The following XKR4 variants were observed in gnomAD, a reference collection of about 807,000 sequenced individuals.
The protein encoded by XKR4 is XK related 4, also known as XK-related protein 4.
XKR4 carries 12 observed loss-of-function variants against 53.9 expected under a neutral mutation model. The observed-to-expected ratio is 0.22, with a 90% CI of 0.14 to 0.36. The LOEUF is 0.36. Among genes scored for constraint, XKR4 ranks in the 10% least tolerant of loss-of-function variants. XKR4 has a pLI of 1.00. For synonymous variants in XKR4, 354 were observed against 362.4 expected (o/e 0.98, Z 0.26); for missense variants, 799 against 859.5 (o/e 0.93, Z 0.88).
At position 55,417,390 on chromosome 8, in the gene XKR4, A is replaced by T. The variant is rs375447797; in HGVS notation, c.1006+59513A>T. Among the ~76,000 whole-genome samples the T allele has an allele frequency of 2.7e-4, 41 of 152,338 alleles. 3 individuals carry two copies. In the South Asian group the frequency reaches 8.5e-3, roughly 32 times the overall value. On this transcript the variant is annotated intron_variant, in intron 2 of 2. Transcript: ENST00000327381. The stretch of plus-strand genomic sequence containing the variant: ...TAATTCGGTTCACACAAGTCTATTC[A>T]AAAGGGTACAGTCGAATCTGATGTT...
At chr8:55,417,987 C>T (rs1025367574) in intron 2 of XKR4, among the ~76,000 whole-genome samples, 6 of 152,100 alleles carry the variant, frequency 3.9e-5, no homozygotes, top group Admixed American at 6.5e-5. Context: ...AAAGAGACAG[C>T]GATTTGGGTG....
chr8:55,500,394 T>C (rs1160598139), intron 2 of XKR4, among the ~76,000 whole-genome samples: 1 of 152,148 alleles, frequency 6.6e-6, no homozygotes, highest in East Asian at 1.9e-4. Context: ...TCATCAAAGA[T>C]AGGTGAATGT....
intron 2 of XKR4, among the ~76,000 whole-genome samples, chr8:55,481,716 C>T (rs1026976673): frequency 1.4e-4 from 22 of 151,952 alleles, no homozygotes; most frequent in Middle Eastern, 3.2e-3. Flanking sequence ...ACAAACAACC[C>T]CATCAAAAAG....
intron 1 of XKR4, among the ~76,000 whole-genome samples, chr8:55,329,609 T>G (rs966159970): frequency 3.3e-5 from 5 of 152,226 alleles, no homozygotes; most frequent in African/African-American, 1.2e-4. Context: ...TTAGAGATTC[T>G]AAATACCTAG....
intron 1 of XKR4, among the ~76,000 whole-genome samples, chr8:55,177,300 G>C (rs1817248686): frequency 6.6e-6 from 1 of 152,090 alleles, no homozygotes; most frequent in Admixed American, 6.5e-5. Flanking sequence ...GCCTCCCAAA[G>C]TGCTGGGATT....
At chr8:55,141,570 TGG>T (rs1303259740) in intron 1 of XKR4, among the ~76,000 whole-genome samples, 3 of 151,820 alleles carry the variant, frequency 2.0e-5, no homozygotes, top group Non-Finnish European at 2.9e-5. Flanking sequence ...GACTTGGCAG[TGG>T]GGGTTGATTC....
intron 2 of XKR4, chr8:55,452,948 C>A (rs1197371917): frequency 1.3e-6 from 1 of 783,776 alleles, no homozygotes; most frequent in Non-Finnish European, 2.3e-6. Flanking sequence ...TCTGCATCAG[C>A]TCCTGCTGCT....
intron 2 of XKR4, among the ~76,000 whole-genome samples, chr8:55,419,839 G>A (rs1296070224): frequency 6.6e-6 from 1 of 152,184 alleles, no homozygotes; most frequent in Non-Finnish European, 1.5e-5. Context: ...GGGTAGAGTG[G>A]AGAAAATTTT....
intron 1 of XKR4, among the ~76,000 whole-genome samples, chr8:55,340,691 T>A (rs1250434420): frequency 6.6e-6 from 1 of 152,186 alleles, no homozygotes; most frequent in Non-Finnish European, 1.5e-5. Context: ...GCATCAAGAC[T>A]TTTCATTCCG....
chr8:55,225,517 C>T (rs971225295), intron 1 of XKR4, among the ~76,000 whole-genome samples: 38 of 152,184 alleles, frequency 2.5e-4, no homozygotes, highest in Non-Finnish European at 1.0e-4. Context: ...ACATTCCATG[C>T]CTGGAAATAT....
chr8:55,289,646 AAAGG>A (rs770482436), intron 1 of XKR4, among the ~76,000 whole-genome samples: 4,104 of 86,780 alleles, frequency 0.047, 175 homozygotes, highest in Non-Finnish European at 0.06. Context: ...AGAAAGAAAG[AAAGG>A]AAGGAAGGAA....
intron 2 of XKR4, among the ~76,000 whole-genome samples, chr8:55,364,631 T>TTTGTTA (rs746202286): frequency 8.6e-5 from 13 of 151,636 alleles, no homozygotes; most frequent in African/African-American, 3.2e-4. Context: ...TTTGTTTTGT[T>TTTGTTA]GGGGTTTTTT....
intron 2 of XKR4, among the ~76,000 whole-genome samples, chr8:55,411,342 A>G (rs1000638731): frequency 2.0e-5 from 3 of 152,198 alleles, no homozygotes; most frequent in Non-Finnish European, 4.4e-5. Flanking sequence ...TCATATTTGT[A>G]TAGTGTGTAG....
intron 1 of XKR4, among the ~76,000 whole-genome samples, chr8:55,308,271 T>C (rs1424917307): frequency 1.3e-5 from 2 of 151,590 alleles, no homozygotes; most frequent in African/African-American, 4.9e-5. Context: ...AAAATGAAAA[T>C]AAATAAATAA....
intron 2 of XKR4, chr8:55,450,547 G>A (rs1042254566): frequency 1.5e-6 from 1 of 681,142 alleles, no homozygotes; most frequent in East Asian, 3.1e-5. Flanking sequence ...AGAAACAGCG[G>A]GACACGTGGT....
intron 1 of XKR4, among the ~76,000 whole-genome samples, chr8:55,155,631 TAAGA>T (rs1178572284): frequency 6.8e-6 from 1 of 148,020 alleles, no homozygotes; most frequent in Non-Finnish European, 1.5e-5. Flanking sequence ...ATAAAGGCAT[TAAGA>T]GAGAGAGAGA....
At chr8:55,173,639 A>T (rs1459979620) in intron 1 of XKR4, among the ~76,000 whole-genome samples, 4 of 152,186 alleles carry the variant, frequency 2.6e-5, no homozygotes, top group African/African-American at 4.8e-5. Flanking sequence ...TGCCAGGCAC[A>T]TTGTGAAAAA....
intron 1 of XKR4, among the ~76,000 whole-genome samples, chr8:55,247,835 T>TTATCTTTCTTTCTTTCTTTCTTTC (rs1554572223): frequency 1.5e-5 from 1 of 65,088 alleles, no homozygotes; most frequent in African/African-American, 3.4e-5. Flanking sequence ...TAATTTTTCT[T>TTATCTTTCTTTCTTTCTTTCTTTC]TTTCTTTCTT....
At chr8:55,453,236 G>A (rs1198904615) in intron 2 of XKR4, 3 of 493,156 alleles carry the variant, frequency 6.1e-6, no homozygotes, top group Admixed American at 2.3e-5. Context: ...TGTGACCAGA[G>A]GCAGCAGAGC....
Sources: gnomAD v4.1 joint callset for allele counts (sites outside exome capture counted in the v4.1 genomes callset) on GRCh38, gnomAD v4.1.1 for gene constraint, MANE v1.5 for transcripts, NCBI Gene and HGNC (gene_info 2026-07-23, HGNC 2026-07-21) for gene names.